The following FER1L5 variants were observed in gnomAD, a reference collection of about 807,000 sequenced individuals.
The protein encoded by FER1L5 is fer-1-like protein 5.
FER1L5 carries 187 observed loss-of-function variants against 279.9 expected under a neutral mutation model. That is an observed-to-expected ratio of 0.67 (90% CI 0.59 to 0.75). The LOEUF is 0.75. Ranked by LOEUF, FER1L5 falls within the 30% of genes least tolerant of loss-of-function variation. The probability of loss-of-function intolerance (pLI) is 0.00; values close to 1 mark genes in which losing one functional copy is unlikely to be tolerated. For missense variants in FER1L5, 2,091 were observed against 2,594.4 expected (o/e 0.81, Z 4.21); for synonymous variants, 921 against 989.7 (o/e 0.93, Z 1.30).
At chr2:96,662,526 A>G (rs1340585123) in intron 13 of FER1L5, among the ~76,000 whole-genome samples, 1 of 151,974 alleles carries the variant, frequency 6.6e-6, no homozygotes, top group East Asian at 1.9e-4. Context: ...AACACCATCG[A>G]AACTGTCGCC....
chr2:96,669,425 C>T (rs2076243665), intron 17 of FER1L5, among the ~76,000 whole-genome samples: 1 of 152,184 alleles, frequency 6.6e-6, no homozygotes, highest in African/African-American at 2.4e-5. Context: ...GAGGACACAG[C>T]ACAGGCAAGT....
At position 96,662,211 on chromosome 2, in the gene FER1L5, A is replaced by G. The variant is rs774258016; in HGVS notation, c.1019-4A>G. Reference sequence around the variant, plus strand: ...TCAGATATCTTTTAACTTGTTGTTCATAGAGAAACACCAGTCAGTGAATCC... The same window carrying G: ...TCAGATATCTTTTAACTTGTTGTTCGTAGAGAAACACCAGTCAGTGAATCC... On this transcript the variant is annotated splice_region_variant and splice_polypyrimidine_tract_variant and intron_variant, in intron 12 of 52. Transcript: ENST00000624922. 8 of 1,551,476 alleles carry G rather than the reference A, an allele frequency of 5.2e-6. No homozygotes were observed. In the African/African-American group the frequency reaches 5.5e-5, roughly 11 times the overall value.
intron 31 of FER1L5, 138 bp from the exon 32 acceptor site, chr2:96,693,368 G>A: frequency 2.6e-6 from 2 of 762,342 alleles, no homozygotes; most frequent in Non-Finnish European, 4.1e-6. Flanking sequence ...TGACTCTGAG[G>A]GGGCCTCTGG....
Position 96,693,590 on chromosome 2 carries a change from C to T in FER1L5, c.3377C>T (p.Thr1126Ile). Residue 1126 changes from threonine to isoleucine, a missense_variant, in exon 32 of 53, where the codon ACA (threonine) becomes ATA (isoleucine). Thr to Ile is a moderately conservative substitution (Grantham distance 89). Coordinates refer to ENST00000624922, the MANE Select transcript of FER1L5 (RefSeq NM_001293083.2). ...TCTGCAGGCCCCACATGGGCCCAGA[C>T]ACTCATCTTCCAGCACCTCCTTCTG... The part of the protein sequence containing the change: ...RSSAGPTWAQ[T>I]LIFQHLLLYE... The T allele has an allele frequency of 1.3e-6, 2 of 1,551,708 alleles. No individual in the cohort carries two copies. The highest frequency in any genetic ancestry group is 1.7e-6 in the Non-Finnish European group (2 of 1,146,990).
At chr2:96,653,601 A>T in intron 7 of FER1L5, 39 bp from the exon 8 acceptor site, 3 of 1,485,048 alleles carry the variant, frequency 2.0e-6, no homozygotes, top group Non-Finnish European at 2.8e-6. Context: ...GAAGTGGCGG[A>T]AGAAATCATC....
intron 24 of FER1L5, among the ~76,000 whole-genome samples, chr2:96,688,465 T>C (rs1558905596): frequency 6.6e-6 from 1 of 150,968 alleles, no homozygotes; most frequent in African/African-American, 2.4e-5. Context: ...ACCTGGGGAG[T>C]GGGCGGGCGG....
At position 96,661,687 on chromosome 2, in the gene FER1L5, A is replaced by G. The variant is rs1004391958; in HGVS notation, c.914A>G (p.Tyr305Cys). 1.6e-5 allele frequency: 25 copies of G among 1,551,580 alleles called. No individual in the cohort carries two copies. The highest frequency in any genetic ancestry group is 5.9e-5 in the Admixed American group (3 of 50,984). The change falls in exon 12 of 53, where the codon TAT (tyrosine) becomes TGT (cysteine). Residue 305 changes from tyrosine to cysteine, a missense_variant. By Grantham distance (194) the Tyr-to-Cys change is radical. Coordinates refer to ENST00000624922, the MANE Select transcript of FER1L5 (RefSeq NM_001293083.2). ...DQALIDQKLL[Y>C]GTDDTDIQIF... Reference sequence around the variant, plus strand: ...CTCCAGATAGATCAAAAGCTGCTCTATGGCACCGATGACACCGATATTCAG... The same window carrying G: ...CTCCAGATAGATCAAAAGCTGCTCTGTGGCACCGATGACACCGATATTCAG...
chr2:96,654,241 C>G, intron 8 of FER1L5: 1 of 379,096 alleles, frequency 2.6e-6, no homozygotes. Context: ...TCAATTTCCT[C>G]ATCAGTAAAA....
intron 19 of FER1L5, among the ~76,000 whole-genome samples, chr2:96,675,440 T>A (rs1439286412): frequency 6.6e-6 from 1 of 152,292 alleles, no homozygotes; most frequent in East Asian, 1.9e-4. Flanking sequence ...TTAATTAATT[T>A]TTTTGAAATG....
intron 19 of FER1L5, among the ~76,000 whole-genome samples, chr2:96,678,203 C>T (rs1336744819): frequency 6.7e-6 from 1 of 148,462 alleles, no homozygotes; most frequent in Non-Finnish European, 1.5e-5. Flanking sequence ...CAGCTCACTG[C>T]AACCTCCGCC....
chr2:96,650,031 C>T, intron 5 of FER1L5, 149 bp from the exon 6 acceptor site: 2 of 659,860 alleles, frequency 3.0e-6, no homozygotes, highest in Non-Finnish European at 5.4e-6. Context: ...TGGTAATGTT[C>T]TGGGGAGGAC....
chr2:96,663,400 G>A (rs1237046026), intron 13 of FER1L5, 39 bp from the exon 14 acceptor site: 5 of 1,543,942 alleles, frequency 3.2e-6, no homozygotes, highest in Non-Finnish European at 4.4e-6. Flanking sequence ...GAGGGAGGAG[G>A]GGGCAGGCTG....
rs769947839 is a variant in FER1L5 at position 96,698,185 on chromosome 2, CT to C, written c.4356+30del. ...TGTGTCCACCCCAGCTTAGCTGCCCCTGTCTCCTTGTGCACCTTCTGTCCCT... is the reference window on the plus strand; with the variant it reads ...TGTGTCCACCCCAGCTTAGCTGCCCCGTCTCCTTGTGCACCTTCTGTCCCT... On this transcript the variant is annotated intron_variant, in intron 40 of 52. Coordinates refer to ENST00000624922, the MANE Select transcript of FER1L5 (RefSeq NM_001293083.2). This position sits in a 1 kb window ranked among gnomAD's most constrained non-coding sequence, Gnocchi z 5.5. The C allele has an allele frequency of 1.9e-6, 3 of 1,546,628 alleles. No individual in the cohort carries two copies. The highest frequency in any genetic ancestry group is 1.2e-5 in the South Asian group (1 of 83,480).
chr2:96,677,571 T>G (rs1018972433), intron 19 of FER1L5, among the ~76,000 whole-genome samples: 4 of 152,046 alleles, frequency 2.6e-5, no homozygotes, highest in Non-Finnish European at 4.4e-5. Flanking sequence ...TCTTAGCTAT[T>G]AAGAATAAAG....
rs1156673203 is a variant in FER1L5 at position 96,642,776 on chromosome 2, A to G, written c.-61A>G. The G allele has an allele frequency of 2.7e-6, 4 of 1,506,628 alleles. No individual in the cohort carries two copies. In the South Asian group the frequency reaches 5.0e-5, roughly 19 times the overall value. The allele number at this position is 1,506,628 out of a possible 1,614,324, so 93.3% of individuals were successfully genotyped here. A position where few individuals can be genotyped will look rare whatever the true frequency, so the allele number is the denominator to read the frequency against. ...CGCTGGGAAAAGTCTTGGACTGAGG[A>G]GCTCCAAAAAGGAAGCTGTGGCGCT... On this transcript the variant is annotated 5_prime_UTR_variant, in exon 1 of 53. Coordinates refer to ENST00000624922, the MANE Select transcript of FER1L5 (RefSeq NM_001293083.2).
At chr2:96,676,444 A>G (rs2076512129) in intron 19 of FER1L5, among the ~76,000 whole-genome samples, 1 of 152,074 alleles carries the variant, frequency 6.6e-6, no homozygotes, top group South Asian at 2.1e-4. Flanking sequence ...TGGAATTACA[A>G]GCGTGAGCCG....
At position 96,703,605 on chromosome 2, in the gene FER1L5, A is replaced by G; in HGVS notation, c.5774A>G (p.Asn1925Ser). ...KPAGRGQSEP[N>S]QYPTLHPPLR... Reference sequence around the variant, plus strand: ...GCCGGGCGAGGCCAGTCGGAACCCAACCAGTACCCCACACTTCATCCTCCC... The same window carrying G: ...GCCGGGCGAGGCCAGTCGGAACCCAGCCAGTACCCCACACTTCATCCTCCC... Residue 1925 changes from asparagine to serine, a missense_variant, in exon 51 of 53, where the codon AAC (asparagine) becomes AGC (serine). Coordinates refer to ENST00000624922, the MANE Select transcript of FER1L5 (RefSeq NM_001293083.2). The G allele has an allele frequency of 8.1e-6, 13 of 1,613,846 alleles. No individual in the cohort carries two copies. Among genetic ancestry groups the G allele is most frequent in the Non-Finnish European group, 1.1e-5 (13 of 1,179,848 alleles).
At chr2:96,653,560 C>T in intron 7 of FER1L5, 80 bp from the exon 8 acceptor site, 1 of 1,096,318 alleles carries the variant, frequency 9.1e-7, no homozygotes, top group Non-Finnish European at 1.4e-6. Context: ...GCACATTATT[C>T]TGAGCTTTCA....
Position 96,702,804 on chromosome 2 carries a change from C to T in FER1L5, c.5397+63C>T. ...CAAACAGACCCAGGCTCCTGGAGCTCCTCCCCCCACCCCTCCAGAGGCTTG... is the reference window on the plus strand; with the variant it reads ...CAAACAGACCCAGGCTCCTGGAGCTTCTCCCCCCACCCCTCCAGAGGCTTG... On this transcript the variant is annotated intron_variant, in intron 48 of 52. Coordinates refer to ENST00000624922, the MANE Select transcript of FER1L5 (RefSeq NM_001293083.2). The surrounding 1 kb of genome is among the most constrained non-coding windows in gnomAD (Gnocchi z 4.0). 1 of 1,589,102 alleles carries T rather than the reference C, an allele frequency of 6.3e-7. No individual in the cohort carries two copies. The highest frequency in any genetic ancestry group is 8.6e-7 in the Non-Finnish European group (1 of 1,168,390).
Sources: allele counts gnomAD v4.1 joint callset (sites outside exome capture counted in the v4.1 genomes callset), GRCh38; gene constraint gnomAD v4.1.1; non-coding constraint Gnocchi (gnomAD v3.1); transcripts MANE v1.5; gene names NCBI Gene and HGNC (gene_info 2026-07-23, HGNC 2026-07-21).